Variants in EML4 observed in about 807,000 individuals in gnomAD.
The protein encoded by EML4 is echinoderm microtubule-associated protein-like 4.
In EML4, 72 loss-of-function variants were observed where a neutral mutation model predicts 129.0. The ratio of observed to expected loss-of-function variants is 0.56; its 90% confidence interval spans 0.46 to 0.68. The LOEUF (loss-of-function observed/expected upper bound fraction) is 0.68. Among genes scored for constraint, EML4 ranks in the 30% least tolerant of loss-of-function variants. The pLI, the probability that EML4 is intolerant of heterozygous loss-of-function variation, is 0.00. For synonymous variants in EML4, 532 were observed against 405.0 expected (o/e 1.31, Z -3.77); for missense variants, 1,363 against 1,190.6 (o/e 1.14, Z -2.13).
In EML4 at chr2:42,169,528, C is replaced by G; in HGVS notation, c.-84C>G. 2 of 1,494,122 alleles carry G rather than the reference C, an allele frequency of 1.3e-6. No individual in the cohort carries two copies. The highest frequency in any genetic ancestry group is 1.8e-6 in the Non-Finnish European group (2 of 1,113,608). 92.6% of individuals were successfully genotyped at this position (1,494,122 alleles called of 1,614,324 possible). ...CGGGCGACCTAGAGAACGAGCGGGT[C>G]AGGCTCAGCGTCGGCCACTCTGTCG... On this transcript the variant is annotated 5_prime_UTR_variant, in exon 1 of 23. Coordinates refer to ENST00000318522, the MANE Select transcript of EML4 (RefSeq NM_019063.5).
At chr2:42,206,054 C>A (rs1020226986) in intron 1 of EML4, among the ~76,000 whole-genome samples, 1 of 152,146 alleles carries the variant, frequency 6.6e-6, no homozygotes, top group African/African-American at 2.4e-5. Context: ...TTGACAATTA[C>A]TCTTGTTCTG....
At chr2:42,302,573 G>A (rs995531574) in intron 14 of EML4, among the ~76,000 whole-genome samples, 3 of 147,166 alleles carry the variant, frequency 2.0e-5, no homozygotes, top group Non-Finnish European at 3.0e-5. Flanking sequence ...TTGCTCTGTC[G>A]CCCAGGCTGG....
At chr2:42,268,716 C>CT (rs1025072851) in intron 6 of EML4, among the ~76,000 whole-genome samples, 1 of 152,174 alleles carries the variant, frequency 6.6e-6, no homozygotes, top group African/African-American at 2.4e-5. Context: ...AGGATTATAG[C>CT]TGTGAGCCGC....
intron 1 of EML4, among the ~76,000 whole-genome samples, chr2:42,185,010 G>A (rs947209800): frequency 6.6e-6 from 1 of 152,018 alleles, no homozygotes; most frequent in Non-Finnish European, 1.5e-5. Flanking sequence ...TTGTTTTTAT[G>A]TAATCTAATT....
Position 42,294,271 on chromosome 2 carries a change from G to A in EML4, c.1219-854G>A, listed in dbSNP as rs1434792314. ...CCTGTCTTTGCTAGATTTTTTGAGG[G>A]AAAAGAGCATAAAAGCCCTCTGGGA... is the stretch of plus-strand genomic sequence containing the variant. On this transcript the variant is annotated intron_variant, in intron 11 of 22. Coordinates refer to ENST00000318522, the MANE Select transcript of EML4 (RefSeq NM_019063.5). Among the ~76,000 whole-genome samples, 3 of 152,102 alleles carry A rather than the reference G, an allele frequency of 2.0e-5. No homozygotes were observed. The East Asian group carries it at 5.8e-4, about 29-fold the overall frequency.
Position 42,326,163 on chromosome 2 carries a change from C to G in EML4, c.2252C>G (p.Pro751Arg), listed in dbSNP as rs1684721680. 2 of 1,613,372 alleles carry G rather than the reference C, an allele frequency of 1.2e-6. No homozygotes were observed. The highest frequency in any genetic ancestry group is 1.7e-6 in the Non-Finnish European group (2 of 1,179,638). The change falls in exon 21 of 23, where the codon CCA (proline) becomes CGA (arginine). Residue 751 changes from proline to arginine, a missense_variant. Coordinates refer to ENST00000318522, the MANE Select transcript of EML4 (RefSeq NM_019063.5). ...GTTTCTAAATTTAAAGGGGACATTC[C>G]AAATGGCTGCAAACTAATCAGGAAT... ...GDYEILYWDI[P>R]NGCKLIRNRS...
intron 19 of EML4, among the ~76,000 whole-genome samples, chr2:42,318,584 AT>A (rs1669360582): frequency 6.6e-6 from 1 of 152,174 alleles, no homozygotes; most frequent in African/African-American, 2.4e-5. Flanking sequence ...CTATCTTTTA[AT>A]TTATCAACTT....
chr2:42,193,629 C>G (rs1180353129), intron 1 of EML4, among the ~76,000 whole-genome samples: 1 of 151,040 alleles, frequency 6.6e-6, no homozygotes, highest in Non-Finnish European at 1.5e-5. Context: ...ATATATTTTG[C>G]TTTTAAGTTT....
intron 21 of EML4, among the ~76,000 whole-genome samples, chr2:42,328,383 A>C (rs1558617465): frequency 6.6e-6 from 1 of 152,254 alleles, no homozygotes; most frequent in African/African-American, 2.4e-5. Context: ...ATGGGATAGC[A>C]TGCTAAACTA....
At position 42,306,579 on chromosome 2, in the gene EML4, G is replaced by C. The variant is rs146078798; in HGVS notation, c.1967+2028G>C. Among the ~76,000 whole-genome samples, 224 of 135,522 alleles carry C rather than the reference G, an allele frequency of 1.7e-3. 5 individuals are homozygous for C. The East Asian group carries it at 0.036, about 22-fold the overall frequency. The allele number at this position is 135,522 out of a possible 152,430, so 88.9% of individuals were successfully genotyped here. A position where few individuals can be genotyped will look rare whatever the true frequency, so the allele number is the denominator to read the frequency against. On this transcript the variant is annotated intron_variant, in intron 17 of 22. Transcript: ENST00000318522. The stretch of plus-strand genomic sequence containing the variant: ...ATGATCTTGGCTCACAGCAAGTTCC[G>C]CCTCCTGGGTTCACGCCATTCTCCT...
intron 6 of EML4, among the ~76,000 whole-genome samples, chr2:42,266,259 T>G (rs1666059274): frequency 6.6e-6 from 1 of 152,226 alleles, no homozygotes; most frequent in Non-Finnish European, 1.5e-5. Flanking sequence ...TTCTCCCTTC[T>G]TTATAATACA....
chr2:42,184,480 C>T (rs1034271105), intron 1 of EML4, among the ~76,000 whole-genome samples: 3 of 149,218 alleles, frequency 2.0e-5, no homozygotes, highest in Non-Finnish European at 3.0e-5. Context: ...ATGAGATAAA[C>T]TCTAGTATGG....
At chr2:42,271,557 C>T (rs557744412) in intron 6 of EML4, among the ~76,000 whole-genome samples, 3 of 152,128 alleles carry the variant, frequency 2.0e-5, no homozygotes, top group Non-Finnish European at 2.9e-5. Context: ...TCTTGACATC[C>T]TCTTTCCTTA....
intron 19 of EML4, among the ~76,000 whole-genome samples, chr2:42,320,570 C>G (rs1669465825): frequency 6.6e-6 from 1 of 152,126 alleles, no homozygotes; most frequent in South Asian, 2.1e-4. Flanking sequence ...TTTTCCATGA[C>G]TAGATGAGCC....
rs541089997 is a variant in EML4 at position 42,256,083 on chromosome 2, G to A, written c.209-418G>A. 2.0e-5 allele frequency among the ~76,000 whole-genome samples: 3 copies of A among 152,246 alleles called. No individual in the cohort carries two copies. The South Asian group carries it at 6.2e-4, about 32-fold the overall frequency. On this transcript the variant is annotated intron_variant, in intron 2 of 22. Transcript: ENST00000318522. ...TATATACTTATGCTTTATTTGTATG[G>A]AGTAACAGTCTAGAATTTAATATTT... is the stretch of plus-strand genomic sequence containing the variant.
In EML4 at chr2:42,212,771, A is replaced by G. The variant is rs745912854; in HGVS notation, c.26-32734A>G. 7.9e-5 allele frequency among the ~76,000 whole-genome samples: 12 copies of G among 152,282 alleles called. No individual in the cohort carries two copies. The Middle Eastern group carries it at 0.02, about 259-fold the overall frequency. ...GTTTCTCCCAGGGCACCACAGTACC[A>G]TTTATTGGGTAGGGCATGAGAATAT... On this transcript the variant is annotated intron_variant, in intron 1 of 22. Coordinates refer to ENST00000318522, the MANE Select transcript of EML4 (RefSeq NM_019063.5).
chr2:42,289,230 A>T (rs1017780960), intron 11 of EML4: 1 of 152,140 alleles, frequency 6.6e-6, no homozygotes, highest in African/African-American at 2.4e-5. Flanking sequence ...ATTGAAACAT[A>T]GGGAAGTTGC....
rs188809773 is a variant in EML4 at position 42,273,012 on chromosome 2, G to C, written c.668-7838G>C. Among the ~76,000 whole-genome samples, 146 of 152,280 alleles carry C rather than the reference G, an allele frequency of 9.6e-4. 1 individual carries two copies. Among genetic ancestry groups the C allele is most frequent in the African/African-American group, 3.5e-3 (144 of 41,564 alleles). On this transcript the variant is annotated intron_variant, in intron 6 of 22. Transcript: ENST00000318522. ...TTTTAATGTTCTGCTGAGGCCTCCT[G>C]ATTGCCTCCCTGCTATAGTTAATTG...
intron 10 of EML4, among the ~76,000 whole-genome samples, chr2:42,286,981 T>G (rs1245288309): frequency 6.6e-6 from 1 of 152,274 alleles, no homozygotes; most frequent in East Asian, 1.9e-4. Flanking sequence ...AACATTCTGG[T>G]TTTTTCTTGA....
Sources: allele counts gnomAD v4.1 joint callset (sites outside exome capture counted in the v4.1 genomes callset), GRCh38; gene constraint gnomAD v4.1.1; transcripts MANE v1.5; gene names NCBI Gene and HGNC (gene_info 2026-07-23, HGNC 2026-07-21).